TMEM232: variants seen among roughly 807,000 people sequenced by gnomAD.
The protein encoded by TMEM232 is transmembrane protein 232.
Under a neutral mutation model 78.8 loss-of-function variants are expected in TMEM232, and 80 were observed. The observed-to-expected ratio is 1.01, with a 90% confidence interval of 0.85 to 1.22. The LOEUF (loss-of-function observed/expected upper bound fraction) is 1.22. Among genes scored for constraint, TMEM232 ranks in the 50% most tolerant of loss-of-function variants. The pLI is 0.00. For synonymous variants in TMEM232, 297 were observed against 254.3 expected (o/e 1.17, Z -1.60); for missense variants, 881 against 742.2 (o/e 1.19, Z -2.17).
chr5:110,613,017 T>C (rs1057470995), intron 8 of TMEM232, among the ~76,000 whole-genome samples: 2 of 152,162 alleles, frequency 1.3e-5, no homozygotes, highest in Non-Finnish European at 2.9e-5. Flanking sequence ...TCTCCAGCTA[T>C]GGGCAGATAA....
intron 1 of TMEM232, among the ~76,000 whole-genome samples, chr5:110,682,353 C>G (rs1193713942): frequency 6.6e-6 from 1 of 151,704 alleles, no homozygotes. Flanking sequence ...TTAAAATAAG[C>G]AAAACCTTCC....
At chr5:110,559,112 T>C (rs1005706726) in intron 11 of TMEM232, among the ~76,000 whole-genome samples, 6 of 151,942 alleles carry the variant, frequency 3.9e-5, no homozygotes, top group African/African-American at 1.5e-4. Context: ...TTCTTCCCCT[T>C]TTCGGACTTT....
intron 12 of TMEM232, among the ~76,000 whole-genome samples, chr5:110,435,272 T>C (rs187051680): frequency 1.0e-3 from 152 of 151,944 alleles, no homozygotes; most frequent in Admixed American, 1.7e-3. Context: ...GTGTTTACTT[T>C]AAGTTTTTTA....
rs1554087762 is a variant in TMEM232 at position 110,726,108 on chromosome 5, T to TTA, written c.-13+518_-13+519insTA. ...TCTCCAATATACCCCCCTCTCTCTT[T>TTA]CACACACACACACACACACACACAC... On this transcript the variant is annotated intron_variant, in intron 1 of 13. Transcript: ENST00000455884. 4.4e-3 allele frequency among the ~76,000 whole-genome samples: 636 copies of TTA among 144,634 alleles called. 3 individuals carry two copies. The highest frequency in any genetic ancestry group is 0.014 in the African/African-American group (548 of 39,178). 94.9% of individuals were successfully genotyped at this position (144,634 alleles called of 152,430 possible). A position where few individuals can be genotyped will look rare whatever the true frequency, so the allele number is the denominator to read the frequency against.
chr5:110,641,500 G>T (rs1457348902), intron 3 of TMEM232, among the ~76,000 whole-genome samples: 1 of 152,094 alleles, frequency 6.6e-6, no homozygotes, highest in African/African-American at 2.4e-5. Flanking sequence ...TGCACAATTG[G>T]AGAAAAGTTC....
At chr5:110,402,018 G>A (rs1401578718) in intron 2 of TMEM232, among the ~76,000 whole-genome samples, 1 of 152,062 alleles carries the variant, frequency 6.6e-6, no homozygotes, top group Non-Finnish European at 1.5e-5. Context: ...CCTTAGTGGA[G>A]CAATATGTCT....
chr5:110,642,455 T>C, intron 2 of TMEM232, 84 bp from the exon 3 acceptor site: 1 of 901,038 alleles, frequency 1.1e-6, no homozygotes, highest in Non-Finnish European at 1.6e-6. Flanking sequence ...AGTGGCTATG[T>C]ATAACTATAT....
chr5:110,541,296 C>G (rs1773077056), intron 11 of TMEM232, among the ~76,000 whole-genome samples: 1 of 152,104 alleles, frequency 6.6e-6, no homozygotes, highest in South Asian at 2.1e-4. Flanking sequence ...CTAATAGAAC[C>G]AGTCCAGAGG....
At chr5:110,488,487 C>T (rs977448269) in intron 12 of TMEM232, among the ~76,000 whole-genome samples, 1 of 151,808 alleles carries the variant, frequency 6.6e-6, no homozygotes, top group Non-Finnish European at 1.5e-5. Context: ...GCAATTGGTT[C>T]AAGAAGAAAT....
rs1197406808 is a variant in TMEM232, at chr5:110,485,525, C to G, written c.1703+43063G>C. Among the ~76,000 whole-genome samples, 8 of 152,252 alleles carry G rather than the reference C, an allele frequency of 5.3e-5. No homozygotes were observed. The East Asian group carries it at 1.5e-3, about 29-fold the overall frequency. On this transcript the variant is annotated intron_variant, in intron 12 of 13. Coordinates refer to ENST00000455884, the MANE Select transcript of TMEM232 (RefSeq NM_001039763.4). ...TTCTTATGCTTTTGCATCCTCATAGCTTAGCTCCCACATATCAGTGAGAAC... is the reference window on the plus strand; with the variant it reads ...TTCTTATGCTTTTGCATCCTCATAGGTTAGCTCCCACATATCAGTGAGAAC...
chr5:110,452,711 A>T (rs1760451107), intron 12 of TMEM232, among the ~76,000 whole-genome samples: 1 of 152,228 alleles, frequency 6.6e-6, no homozygotes, highest in Non-Finnish European at 1.5e-5. Flanking sequence ...TTTCAACAAA[A>T]TAATTTCTTA....
At chr5:110,505,858 C>T (rs1315149651) in intron 12 of TMEM232, among the ~76,000 whole-genome samples, 1 of 152,124 alleles carries the variant, frequency 6.6e-6, no homozygotes, top group East Asian at 1.9e-4. Context: ...CGAAACCATG[C>T]TTCTTTATTT....
intron 4 of TMEM232, among the ~76,000 whole-genome samples, chr5:110,388,815 G>T (rs1247035649): frequency 6.6e-6 from 1 of 152,200 alleles, no homozygotes; most frequent in African/African-American, 2.4e-5. Flanking sequence ...GAATCGGGGT[G>T]GGGGCAGGCA....
At chr5:110,417,612 CTTTT>C (rs1272462226), downstream of TMEM232, 8 of 118,700 alleles carry the variant, frequency 6.7e-5, no homozygotes, top group East Asian at 2.7e-4. Context: ...AAACTTTTTT[CTTTT>C]TCTTTTTTTT....
At chr5:110,622,073 C>T (rs1237321361) in intron 7 of TMEM232, among the ~76,000 whole-genome samples, 1 of 152,146 alleles carries the variant, frequency 6.6e-6, no homozygotes, top group East Asian at 1.9e-4. Flanking sequence ...GGATGATTGA[C>T]ATTGCCATGA....
chr5:110,694,265 G>A (rs987887377), intron 1 of TMEM232, among the ~76,000 whole-genome samples: 2 of 152,110 alleles, frequency 1.3e-5, no homozygotes, highest in African/African-American at 4.8e-5. Flanking sequence ...GAGAGATTCT[G>A]TCACCACCAG....
chr5:110,423,538 C>T (rs1007444704), intron 13 of TMEM232, among the ~76,000 whole-genome samples: 2 of 151,976 alleles, frequency 1.3e-5, no homozygotes, highest in African/African-American at 2.4e-5. Flanking sequence ...TTAGGCTAGC[C>T]GCACATCAAA....
At chr5:110,596,820 T>C (rs1290013413) in intron 10 of TMEM232, among the ~76,000 whole-genome samples, 3 of 152,070 alleles carry the variant, frequency 2.0e-5, no homozygotes, top group African/African-American at 4.8e-5. Flanking sequence ...AACAACTCTT[T>C]ATGCTAAAAA....
chr5:110,607,579 T>C (rs998071957), intron 8 of TMEM232, among the ~76,000 whole-genome samples: 1 of 152,016 alleles, frequency 6.6e-6, no homozygotes, highest in African/African-American at 2.4e-5. Context: ...CCCAAGGTCA[T>C]AGACCTGTGT....
Sources: allele counts gnomAD v4.1 joint callset (sites outside exome capture counted in the v4.1 genomes callset), GRCh38; gene constraint gnomAD v4.1.1; transcripts MANE v1.5; gene names NCBI Gene and HGNC (gene_info 2026-07-23, HGNC 2026-07-21).